The following DPP10 variants were observed in gnomAD, a reference collection of about 807,000 sequenced individuals.
DPP10 encodes inactive dipeptidyl peptidase 10.
In DPP10, 33 loss-of-function variants were observed where a neutral mutation model predicts 120.9. The observed-to-expected ratio is 0.27, with a 90% CI of 0.21 to 0.37. DPP10 has a LOEUF of 0.37. Ranked by LOEUF, DPP10 falls within the 10% of genes least tolerant of loss-of-function variation. DPP10 has a pLI of 1.00. For synonymous variants in DPP10, 337 were observed against 326.1 expected (o/e 1.03, Z -0.36); for missense variants, 816 against 942.8 (o/e 0.87, Z 1.76).
At chr2:114,673,732 T>C (rs1240365246) in intron 1 of DPP10, among the ~76,000 whole-genome samples, 3 of 152,112 alleles carry the variant, frequency 2.0e-5, no homozygotes, top group Non-Finnish European at 2.9e-5. Context: ...CTGGAATTCA[T>C]TACCTTTTTC....
chr2:115,707,505 G>A (rs2092163045), intron 7 of DPP10, among the ~76,000 whole-genome samples: 1 of 149,058 alleles, frequency 6.7e-6, no homozygotes, highest in Non-Finnish European at 1.5e-5. Context: ...TATCTAATAA[G>A]TAATATAGTA....
chr2:114,683,207 T>C (rs1015559578), intron 1 of DPP10, among the ~76,000 whole-genome samples: 2 of 152,036 alleles, frequency 1.3e-5, no homozygotes, highest in African/African-American at 4.8e-5. Context: ...ATCAACTGAC[T>C]CAATGTATGG....
At chr2:114,956,919 A>G (rs903756989) in intron 1 of DPP10, among the ~76,000 whole-genome samples, 4 of 151,638 alleles carry the variant, frequency 2.6e-5, no homozygotes, top group South Asian at 2.1e-4. Flanking sequence ...TTCTCACACC[A>G]TATAAAAAAT....
At chr2:115,196,352 T>C (rs1384007521) in intron 1 of DPP10, among the ~76,000 whole-genome samples, 1 of 152,218 alleles carries the variant, frequency 6.6e-6, no homozygotes, top group Non-Finnish European at 1.5e-5. Context: ...TTCTCCTAAC[T>C]GGGTGAAGAA....
intron 1 of DPP10, among the ~76,000 whole-genome samples, chr2:114,560,262 G>C (rs1688662859): frequency 6.6e-6 from 1 of 152,114 alleles, no homozygotes; most frequent in Non-Finnish European, 1.5e-5. Flanking sequence ...AAGAGGAGAA[G>C]CATTCACAGA....
At chr2:115,096,643 C>T (rs1367261586) in intron 1 of DPP10, among the ~76,000 whole-genome samples, 2 of 152,108 alleles carry the variant, frequency 1.3e-5, no homozygotes, top group Non-Finnish European at 2.9e-5. Context: ...ATATGATGGG[C>T]TTATCAGGAG....
chr2:114,980,125 A>G, intron 1 of DPP10, among the ~76,000 whole-genome samples: 1 of 152,138 alleles, frequency 6.6e-6, no homozygotes, highest in East Asian at 1.9e-4. Flanking sequence ...ACTGACAAAT[A>G]AAACTTGTTT....
intron 1 of DPP10, among the ~76,000 whole-genome samples, chr2:114,937,061 G>A (rs943253683): frequency 2.6e-5 from 4 of 152,084 alleles, no homozygotes; most frequent in African/African-American, 2.4e-5. Context: ...GAACTCTACT[G>A]ATTATTTCTT....
intron 1 of DPP10, among the ~76,000 whole-genome samples, chr2:114,908,539 G>T (rs1248878451): frequency 6.6e-6 from 1 of 151,814 alleles, no homozygotes; most frequent in Non-Finnish European, 1.5e-5. Context: ...TAATTCCAGT[G>T]AGCTGGATGA....
At chr2:115,503,492 C>G (rs1024125497) in intron 4 of DPP10, among the ~76,000 whole-genome samples, 1 of 152,140 alleles carries the variant, frequency 6.6e-6, no homozygotes, top group Non-Finnish European at 1.5e-5. Flanking sequence ...TAAAGAATTA[C>G]TGAACAAAGG....
intron 2 of DPP10, among the ~76,000 whole-genome samples, chr2:115,316,185 T>C (rs2061783049): frequency 6.6e-6 from 1 of 152,192 alleles, no homozygotes; most frequent in African/African-American, 2.4e-5. Flanking sequence ...ATAGATACTA[T>C]TCATTTATTT....
intron 1 of DPP10, among the ~76,000 whole-genome samples, chr2:115,115,954 G>A (rs529937688): frequency 6.7e-4 from 102 of 152,160 alleles, no homozygotes; most frequent in African/African-American, 2.4e-3. Flanking sequence ...GTGGTGTGAG[G>A]GATAGATTAG....
chr2:114,751,882 G>A (rs952529757), intron 1 of DPP10, among the ~76,000 whole-genome samples: 3 of 152,164 alleles, frequency 2.0e-5, no homozygotes, highest in African/African-American at 7.2e-5. Context: ...ACTTTAATGT[G>A]CTTACCAGTC....
At chr2:115,543,264 G>A (rs1289763870) in intron 5 of DPP10, among the ~76,000 whole-genome samples, 3 of 151,990 alleles carry the variant, frequency 2.0e-5, no homozygotes, top group Non-Finnish European at 4.4e-5. Flanking sequence ...GCAGTTATGT[G>A]ATCTAAGTCA....
chr2:115,378,519 C>T (rs1019070369), intron 3 of DPP10, among the ~76,000 whole-genome samples: 2 of 151,748 alleles, frequency 1.3e-5, no homozygotes, highest in East Asian at 3.9e-4. Context: ...TTGACTTCCT[C>T]TTTTCCTAAT....
intron 1 of DPP10, among the ~76,000 whole-genome samples, chr2:114,709,119 A>G (rs1281755508): frequency 1.3e-5 from 2 of 152,126 alleles, no homozygotes; most frequent in Admixed American, 6.6e-5. Flanking sequence ...AAGCCAAGCC[A>G]ATTCCCAGGC....
rs562977678 is a variant in DPP10 at position 115,351,050 on chromosome 2, A to G, written c.271+7138A>G. Among the ~76,000 whole-genome samples the G allele has an allele frequency of 2.0e-5, 3 of 152,234 alleles. No homozygotes were observed. In the East Asian group the frequency reaches 5.8e-4, roughly 29 times the overall value. On this transcript the variant is annotated intron_variant, in intron 3 of 25. Transcript: ENST00000410059. ...ATACCCAAAGGAAAATAAACTTTCTACCAAAAAGACCCATACATTTGCATG... is the reference window on the plus strand; with the variant it reads ...ATACCCAAAGGAAAATAAACTTTCTGCCAAAAAGACCCATACATTTGCATG...
chr2:115,368,901 A>G (rs1021873720), intron 3 of DPP10, among the ~76,000 whole-genome samples: 1 of 151,878 alleles, frequency 6.6e-6, no homozygotes, highest in Non-Finnish European at 1.5e-5. Flanking sequence ...TTCTATGGTA[A>G]TATTACTGTA....
At chr2:115,631,612 C>G (rs550723281) in intron 5 of DPP10, among the ~76,000 whole-genome samples, 9 of 152,264 alleles carry the variant, frequency 5.9e-5, no homozygotes, top group Admixed American at 3.9e-4. Flanking sequence ...TACATTGTCT[C>G]TTTGTTCTCA....
Sources: gnomAD v4.1 joint callset for allele counts (sites outside exome capture counted in the v4.1 genomes callset) on GRCh38, gnomAD v4.1.1 for gene constraint, MANE v1.5 for transcripts, NCBI Gene and HGNC (gene_info 2026-07-23, HGNC 2026-07-21) for gene names.